The following GRID1 variants were observed in gnomAD, a reference collection of about 807,000 sequenced individuals.
GRID1 encodes the protein glutamate ionotropic receptor delta type subunit 1.
A neutral mutation model predicts 98.0 loss-of-function variants in GRID1; 28 were observed. The observed-to-expected ratio is 0.29, with a 90% CI of 0.21 to 0.39. GRID1 has a LOEUF of 0.39. Among genes scored for constraint, GRID1 ranks in the 10% least tolerant of loss-of-function variants. The probability of loss-of-function intolerance (pLI) is 1.00; values close to 1 mark genes in which losing one functional copy is unlikely to be tolerated. For missense variants in GRID1, 1,111 were observed against 1,340.5 expected (o/e 0.83, Z 2.67); for synonymous variants, 553 against 538.5 (o/e 1.03, Z -0.37).
chr10:86,254,768 C>T (rs369399687), intron 2 of GRID1, among the ~76,000 whole-genome samples: 169 of 152,356 alleles, frequency 1.1e-3, no homozygotes, highest in African/African-American at 3.9e-3. Context: ...AGATGCCCAG[C>T]AGCTCCCCAC....
In GRID1 at chr10:86,155,255, A is replaced by C. The variant is rs112132881; in HGVS notation, c.521-16231T>G. Among the ~76,000 whole-genome samples the C allele has an allele frequency of 7.7e-3, 1,170 of 152,362 alleles. 18 individuals carry two copies. Among genetic ancestry groups the C allele is most frequent in the African/African-American group, 0.027 (1,104 of 41,580 alleles). On this transcript the variant is annotated intron_variant, in intron 3 of 15. Transcript: ENST00000327946. ...CTGGGTCTGTGCAGCCCCTGCCTGC[A>C]GCCAATAGCTGGTGATCACTTTGGC...
chr10:86,164,588 T>C (rs914745537), intron 3 of GRID1, among the ~76,000 whole-genome samples: 1 of 152,098 alleles, frequency 6.6e-6, no homozygotes, highest in Non-Finnish European at 1.5e-5. Context: ...AATAGTTAAA[T>C]TACAGTTAAA....
intron 8 of GRID1, among the ~76,000 whole-genome samples, chr10:85,767,772 T>C (rs886963079): frequency 7.2e-5 from 11 of 152,212 alleles, no homozygotes; most frequent in African/African-American, 2.7e-4. Context: ...CCTTTGATAT[T>C]TCTTTTGGCT....
At chr10:86,287,410 A>G (rs1423750807) in intron 2 of GRID1, among the ~76,000 whole-genome samples, 1 of 152,228 alleles carries the variant, frequency 6.6e-6, no homozygotes, top group African/African-American at 2.4e-5. Context: ...CCACTTAACT[A>G]AAAGCAGCTG....
At chr10:85,858,492 C>T (rs984469871) in intron 6 of GRID1, among the ~76,000 whole-genome samples, 1 of 152,178 alleles carries the variant, frequency 6.6e-6, no homozygotes, top group Non-Finnish European at 1.5e-5. Flanking sequence ...GACTAATTCA[C>T]TCTTTGTTGC....
intron 3 of GRID1, among the ~76,000 whole-genome samples, chr10:86,178,529 C>T (rs1416584147): frequency 6.6e-6 from 1 of 152,148 alleles, no homozygotes; most frequent in African/African-American, 2.4e-5. Context: ...GGGTGTTAGG[C>T]CCAGGAAGGG....
intron 12 of GRID1, among the ~76,000 whole-genome samples, chr10:85,721,481 G>A (rs990884043): frequency 6.6e-6 from 1 of 152,046 alleles, no homozygotes; most frequent in African/African-American, 2.4e-5. Context: ...GACAAACTGT[G>A]GTATATGTGA....
intron 5 of GRID1, among the ~76,000 whole-genome samples, chr10:85,913,113 T>C (rs1212013655): frequency 6.6e-6 from 1 of 152,192 alleles, no homozygotes; most frequent in Non-Finnish European, 1.5e-5. Context: ...CAACAGGCCC[T>C]ACCTTCTGAT....
rs1435736592 is a variant in GRID1, at chr10:86,358,953, G to A, written c.235+4988C>T. On this transcript the variant is annotated intron_variant, in intron 2 of 15. Coordinates refer to ENST00000327946, the MANE Select transcript of GRID1 (RefSeq NM_017551.3). ...GCTGGCCTTGAAAATGGAGGAAAGG[G>A]CCAGGGGCTGAGGAATCCAGCAGTC... 2.0e-5 allele frequency among the ~76,000 whole-genome samples: 3 copies of A among 152,026 alleles called. No individual in the cohort carries two copies. The East Asian group carries it at 5.8e-4, about 30-fold the overall frequency.
chr10:86,234,787 TCC>T (rs757385671), intron 2 of GRID1, among the ~76,000 whole-genome samples: 18,604 of 152,108 alleles, frequency 0.12, 1,516 homozygotes, highest in South Asian at 0.25. Context: ...CCATGGTCCA[TCC>T]AGCTCTGGGC....
At position 85,904,916 on chromosome 10, in the gene GRID1, G is replaced by T. The variant is rs559683355; in HGVS notation, c.780+11270C>A. ...AAAATCTCAAGTAAGAGGATATGGA[G>T]GCAGAAAAATATTAGAAAATATAAA... On this transcript the variant is annotated intron_variant, in intron 5 of 15. Transcript: ENST00000327946. 5.9e-5 allele frequency among the ~76,000 whole-genome samples: 9 copies of T among 152,158 alleles called. 1 individual carries two copies. The South Asian group carries it at 1.9e-3, about 31-fold the overall frequency.
chr10:85,646,927 C>A (rs1374786052), intron 13 of GRID1: 2 of 476,408 alleles, frequency 4.2e-6, no homozygotes, highest in Non-Finnish European at 7.7e-6. Flanking sequence ...CTCTGTGTCA[C>A]CCTCCTATGA....
intron 4 of GRID1, among the ~76,000 whole-genome samples, chr10:86,033,549 G>C (rs937842716): frequency 2.0e-5 from 3 of 152,188 alleles, no homozygotes; most frequent in Non-Finnish European, 4.4e-5. Context: ...CCCTTGCAGG[G>C]GGGCAGCAGT....
chr10:85,696,165 G>A (rs138574856), intron 12 of GRID1, among the ~76,000 whole-genome samples: 2 of 152,072 alleles, frequency 1.3e-5, no homozygotes, highest in African/African-American at 2.4e-5. Flanking sequence ...TACAATAGGG[G>A]AAATACAAAT....
chr10:86,229,649 G>A (rs904841539), intron 2 of GRID1, among the ~76,000 whole-genome samples: 1 of 152,106 alleles, frequency 6.6e-6, no homozygotes, highest in African/African-American at 2.4e-5. Flanking sequence ...TTCTTAAGCA[G>A]GTTTGTCATA....
chr10:86,081,081 A>G (rs1013385878), intron 4 of GRID1, among the ~76,000 whole-genome samples: 3 of 152,168 alleles, frequency 2.0e-5, no homozygotes, highest in African/African-American at 7.2e-5. Context: ...GGGGTTCCTG[A>G]GAGAATGGGA....
At chr10:85,860,118 G>T (rs999236343) in intron 6 of GRID1, among the ~76,000 whole-genome samples, 8 of 152,152 alleles carry the variant, frequency 5.3e-5, no homozygotes. Flanking sequence ...GGAGTCACAG[G>T]CCACAGGTGC....
At chr10:86,139,883 T>C in intron 3 of GRID1, among the ~76,000 whole-genome samples, 1 of 151,650 alleles carries the variant, frequency 6.6e-6, no homozygotes, top group East Asian at 2.0e-4. Context: ...GGCCTGAGGG[T>C]GCTAAAGTTT....
At chr10:85,950,394 GTGTAA>G (rs915888531) in intron 4 of GRID1, among the ~76,000 whole-genome samples, 39 of 152,314 alleles carry the variant, frequency 2.6e-4, no homozygotes, top group African/African-American at 8.7e-4. Context: ...GTACAGCTCA[GTGTAA>G]TCACAAATGT....
Sources: allele counts gnomAD v4.1 joint callset (sites outside exome capture counted in the v4.1 genomes callset), GRCh38; gene constraint gnomAD v4.1.1; transcripts MANE v1.5; gene names NCBI Gene and HGNC (gene_info 2026-07-23, HGNC 2026-07-21).